Variants in UCKL1 observed in about 807,000 individuals in gnomAD.
UCKL1 encodes the protein uridine-cytidine kinase 1 like 1.
UCKL1 carries 65 observed loss-of-function variants against 59.2 expected under a neutral mutation model. The ratio of observed to expected loss-of-function variants is 1.10; its 90% CI spans 0.90 to 1.35. UCKL1 has a LOEUF of 1.35. UCKL1 is among the 40% of genes most tolerant of loss of function. The probability of loss-of-function intolerance (pLI) is 0.00; values close to 1 mark genes in which losing one functional copy is unlikely to be tolerated. For synonymous variants in UCKL1, 410 were observed against 323.1 expected, an observed-to-expected ratio of 1.27 and a Z score of -2.88; for missense variants, 703 against 784.3, an observed-to-expected ratio of 0.90 and a Z score of 1.24.
At position 63,943,634 on chromosome 20, in the gene UCKL1, A is replaced by T. The variant is rs746575138; in HGVS notation, c.923+19T>A. 2.5e-6 allele frequency: 4 copies of T among 1,609,450 alleles called. No homozygotes were observed. Among genetic ancestry groups the T allele is most frequent in the Non-Finnish European group, 3.4e-6 (4 of 1,176,872 alleles). ...GTTGGAAGTGCCTCCATCTGTGCAG[A>T]CAGCTGTGCAAGTCTTACCTGACGC... is the stretch of plus-strand genomic sequence containing the variant. On this transcript the variant is annotated intron_variant, in intron 8 of 14. Coordinates refer to ENST00000354216, the MANE Select transcript of UCKL1 (RefSeq NM_017859.4).
Position 63,940,856 on chromosome 20 carries a change from C to T in UCKL1, c.1117G>A (p.Asp373Asn), listed in dbSNP as rs1018922121. 1.2e-5 allele frequency: 19 copies of T among 1,539,798 alleles called. No individual in the cohort carries two copies. In the Admixed American group the frequency reaches 1.7e-4, roughly 14 times the overall value. Residue 373 changes from aspartate (D) to asparagine (N), a missense_variant and splice_region_variant, in exon 11 of 15, where the codon GAC becomes AAC. Transcript: ENST00000354216. ...EHALSFLPFQ[D>N]CVVQTPQGQD... Reference sequence around the variant, plus strand: ...CCCTGCGGGGTCTGTACGACGCAGTCCTGTGGGGTGCAGGGTGAGGACTCC... The same window carrying T: ...CCCTGCGGGGTCTGTACGACGCAGTTCTGTGGGGTGCAGGGTGAGGACTCC...
intron 8 of UCKL1, chr20:63,941,720 G>T: frequency 4.7e-6 from 1 of 210,758 alleles, no homozygotes. Context: ...GTCCCGTCCC[G>T]CCCCGCTGCC....
At position 63,940,318 on chromosome 20, in the gene UCKL1, A is replaced by G. The variant is rs2054025039; in HGVS notation, c.1411-12T>C. On this transcript the variant is annotated splice_polypyrimidine_tract_variant and intron_variant, in intron 13 of 14. Coordinates refer to ENST00000354216, the MANE Select transcript of UCKL1 (RefSeq NM_017859.4). ...GGCACGTCGTGGTCCTACCGAGTGTATTGGGCAGGTAAATCCCACCTCTGC... is the reference window on the plus strand; with the variant it reads ...GGCACGTCGTGGTCCTACCGAGTGTGTTGGGCAGGTAAATCCCACCTCTGC... The G allele has an allele frequency of 1.2e-6, 2 of 1,612,510 alleles. No individual in the cohort carries two copies. Among genetic ancestry groups the G allele is most frequent in the South Asian group, 2.2e-5 (2 of 91,076 alleles).
intron 5 of UCKL1, among the ~76,000 whole-genome samples, chr20:63,945,409 A>T (rs1004606253): frequency 2.0e-5 from 3 of 152,196 alleles, no homozygotes; most frequent in Admixed American, 2.0e-4. Flanking sequence ...CACTCCAGGT[A>T]TGCGCACAGG....
intron 8 of UCKL1, among the ~76,000 whole-genome samples, chr20:63,943,380 A>C (rs2055204849): frequency 2.0e-5 from 3 of 152,194 alleles, no homozygotes; most frequent in Admixed American, 1.3e-4. Flanking sequence ...CAAATCCCAT[A>C]GACAGACTCA....
chr20:63,941,334 C>A, intron 8 of UCKL1, 126 bp from the exon 9 acceptor site: 1 of 1,393,446 alleles, frequency 7.2e-7, no homozygotes, highest in Non-Finnish European at 9.6e-7. Flanking sequence ...AGGTGCAGAG[C>A]GGGCCTGACT....
At position 63,945,856 on chromosome 20, in the gene UCKL1, A is replaced by C; in HGVS notation, c.531T>G (p.Ser177Arg). 6.2e-7 allele frequency: 1 copy of C among 1,612,542 alleles called. No homozygotes were observed. The part of the protein sequence containing the change: ...STLKKLKQGK[S>R]VKVPIYDFTT... The stretch of plus-strand genomic sequence containing the variant: ...TGAAGTCATAAATGGGCACCTTGAC[A>C]CTCTTCCCCTGCTTCAGCTTCTTGA... The change falls in exon 4 of 15, where the codon AGT becomes AGG. Residue 177 changes from serine to arginine, a missense_variant. Physicochemically the swap from Ser to Arg is moderately radical, Grantham distance 110 (BLOSUM62 -1). Coordinates refer to ENST00000354216, the MANE Select transcript of UCKL1 (RefSeq NM_017859.4).
intron 1 of UCKL1, chr20:63,951,113 G>T (rs2057522321): frequency 2.8e-5 from 32 of 1,145,480 alleles, no homozygotes; most frequent in Non-Finnish European, 3.4e-5. Flanking sequence ...GGCCCTTGAA[G>T]CCTCCACCGT....
rs772189725 is a variant in UCKL1 at position 63,946,165 on chromosome 20, TAGA to T, written c.404_406del (p.Phe135del). Reference sequence around the variant, plus strand: ...GGGAGCTGGGCGGGGGCCCACCTTGTAGAAGGAGTCCATGGACAGCAAGACCAC... The same window carrying T: ...GGGAGCTGGGCGGGGGCCCACCTTGTAGGAGTCCATGGACAGCAAGACCAC... On this transcript the variant is annotated inframe_deletion, in exon 3 of 15. Coordinates refer to ENST00000354216, the MANE Select transcript of UCKL1 (RefSeq NM_017859.4). 6.8e-6 allele frequency: 11 copies of T among 1,611,942 alleles called. No homozygotes were observed. Among genetic ancestry groups the T allele is most frequent in the East Asian group, 2.2e-5 (1 of 44,856 alleles).
rs1014240532 is a variant in UCKL1, at chr20:63,939,991, C to T, written c.1632G>A (p.Val544=). 6.2e-7 allele frequency: 1 copy of T among 1,612,426 alleles called. No homozygotes were observed. Among genetic ancestry groups the T allele is most frequent in the Non-Finnish European group, 8.5e-7 (1 of 1,179,894 alleles). ...AVPDGSDEEE[V]AYTG is the part of the protein sequence containing the mutation. ...CACTGGGCAGCTAACCCGTGTAGGCCACTTCCTCCTCGTCACTGCCATCGG... is the reference window on the plus strand; with the variant it reads ...CACTGGGCAGCTAACCCGTGTAGGCTACTTCCTCCTCGTCACTGCCATCGG... Residue 544 remains valine, a synonymous_variant, in exon 15 of 15, where the codon GTG becomes GTA. Transcript: ENST00000354216.
At chr20:63,945,208 A>G (rs964310247) in intron 5 of UCKL1, among the ~76,000 whole-genome samples, 1 of 152,112 alleles carries the variant, frequency 6.6e-6, no homozygotes, top group African/African-American at 2.4e-5. Context: ...GGGGGCTGCT[A>G]TGTGCCGGAT....
rs1480603270 is a variant in UCKL1 at position 63,940,428 on chromosome 20, A to T, written c.1360T>A (p.Cys454Ser). 2 of 1,612,340 alleles carry T rather than the reference A, an allele frequency of 1.2e-6. No homozygotes were observed. The highest frequency in any genetic ancestry group is 2.2e-5 in the South Asian group (2 of 91,078). Residue 454 changes from cysteine (C) to serine (S), a missense_variant, in exon 13 of 15, where the codon TGC becomes AGC. Cys to Ser is a moderately radical substitution (Grantham distance 112). Coordinates refer to ENST00000354216, the MANE Select transcript of UCKL1 (RefSeq NM_017859.4). ...ISDDHVILMD[C>S]TVSTGAAAMM... Reference sequence around the variant, plus strand: ...GCCGCCGCGCCCGTGGACACGGTGCAGTCCATGAGGATCACGTGGTCATCG... The same window carrying T: ...GCCGCCGCGCCCGTGGACACGGTGCTGTCCATGAGGATCACGTGGTCATCG...
At chr20:63,951,277 T>G in intron 1 of UCKL1, 1 of 868,052 alleles carries the variant, frequency 1.2e-6, no homozygotes, top group Non-Finnish European at 1.4e-6. Flanking sequence ...CGGTGTGAAC[T>G]GCCCCCTCCT....
Position 63,940,930 on chromosome 20 carries a change from GCGGGCTA to G in UCKL1, c.1116+13_1116+19del, listed in dbSNP as rs762914143. 6.6e-7 allele frequency: 1 copy of G among 1,519,958 alleles called. No homozygotes were observed. Among genetic ancestry groups the G allele is most frequent in the Admixed American group, 2.1e-5 (1 of 46,646 alleles). 94.2% of individuals were successfully genotyped at this position (1,519,958 alleles called of 1,614,324 possible). A position where few individuals can be genotyped will look rare whatever the true frequency, so the allele number is the denominator to read the frequency against. On this transcript the variant is annotated intron_variant, in intron 10 of 14. Transcript: ENST00000354216. ...GGCTCCAAGACCCACCCTCCACCTCGCGGGCTACGGGCTACGAACCTGAAAGGGCAGG... is the reference window on the plus strand; with the variant it reads ...GGCTCCAAGACCCACCCTCCACCTCGCGGGCTACGAACCTGAAAGGGCAGG...
intron 1 of UCKL1, chr20:63,955,321 T>C (rs1312103536): frequency 6.6e-6 from 1 of 152,226 alleles, no homozygotes; most frequent in African/African-American, 2.4e-5. Flanking sequence ...ACTCCAGCCA[T>C]GCAAAGTTCC....
In UCKL1 at chr20:63,940,075, G is replaced by GGC; in HGVS notation, c.1568-21_1568-20insGC. 1 of 1,562,992 alleles carries GGC rather than the reference G, an allele frequency of 6.4e-7. No homozygotes were observed. Among genetic ancestry groups the GGC allele is most frequent in the Non-Finnish European group, 8.8e-7 (1 of 1,141,820 alleles). On this transcript the variant is annotated intron_variant, in intron 14 of 14. Coordinates refer to ENST00000354216, the MANE Select transcript of UCKL1 (RefSeq NM_017859.4). ...AGTTCCCTGGAAAAAGGGGGGGGGG[G>GGC]GTCCAGTGTGGTGGGGCCTCCCAGG... is the stretch of plus-strand genomic sequence containing the variant.
chr20:63,947,592 G>A (rs1375602156), intron 1 of UCKL1, among the ~76,000 whole-genome samples: 1 of 152,240 alleles, frequency 6.6e-6, no homozygotes, highest in Non-Finnish European at 1.5e-5. Flanking sequence ...CCTCGGCCTG[G>A]CCTCTCTGGC....
chr20:63,950,675 C>T, intron 1 of UCKL1: 1 of 1,368,836 alleles, frequency 7.3e-7, no homozygotes, highest in Admixed American at 3.2e-5. Context: ...TATCCACAGA[C>T]ATGCACCAAA....
chr20:63,941,322 C>A, intron 8 of UCKL1, 114 bp from the exon 9 acceptor site: 2 of 1,431,066 alleles, frequency 1.4e-6, no homozygotes, highest in Non-Finnish European at 1.9e-6. Context: ...AGGCACAGCA[C>A]GAGGTGCAGA....
Sources: gnomAD v4.1 joint callset for allele counts (sites outside exome capture counted in the v4.1 genomes callset) on GRCh38, gnomAD v4.1.1 for gene constraint, MANE v1.5 for transcripts, NCBI Gene and HGNC (gene_info 2026-07-23, HGNC 2026-07-21) for gene names.